The following PCCA variants were observed in gnomAD, a reference collection of about 807,000 sequenced individuals.
PCCA encodes propionyl-CoA carboxylase subunit alpha, also known as propionyl-CoA carboxylase alpha chain, mitochondrial.
Under a neutral mutation model 101.3 loss-of-function variants are expected in PCCA, and 74 were observed. The observed-to-expected ratio is 0.73, with a 90% CI of 0.61 to 0.89. The LOEUF (loss-of-function observed/expected upper bound fraction) is 0.89, where lower values mean the gene tolerates loss of function less well. Among genes scored for constraint, PCCA ranks in the 40% least tolerant of loss-of-function variants. PCCA has a pLI of 0.00. For synonymous variants in PCCA, 294 were observed against 313.6 expected (o/e 0.94, Z 0.66); for missense variants, 891 against 907.0 (o/e 0.98, Z 0.23).
intron 22 of PCCA, among the ~76,000 whole-genome samples, chr13:100,518,921 T>A (rs1488478577): frequency 1.3e-5 from 2 of 152,208 alleles, no homozygotes; most frequent in African/African-American, 2.4e-5. Context: ...ATATATATAT[T>A]TTCAGAATAA....
At chr13:100,514,996 A>G (rs768359805) in intron 21 of PCCA, among the ~76,000 whole-genome samples, 3 of 152,210 alleles carry the variant, frequency 2.0e-5, no homozygotes, top group Non-Finnish European at 4.4e-5. Flanking sequence ...GGCTGTGGGA[A>G]GCTGCAACAG....
At chr13:100,403,000 ATTT>A (rs752322601) in intron 19 of PCCA, among the ~76,000 whole-genome samples, 1 of 144,628 alleles carries the variant, frequency 6.9e-6, no homozygotes, top group Admixed American at 6.9e-5. Flanking sequence ...GGAGAACTTA[ATTT>A]TTTTTTTTTT....
intron 21 of PCCA, among the ~76,000 whole-genome samples, chr13:100,492,292 G>A (rs970146868): frequency 6.6e-6 from 1 of 152,086 alleles, no homozygotes; most frequent in Non-Finnish European, 1.5e-5. Context: ...CCGCCACCAT[G>A]CCTGGCTAAT....
intron 6 of PCCA, among the ~76,000 whole-genome samples, chr13:100,181,772 T>C (rs1420881053): frequency 6.2e-5 from 2 of 32,014 alleles, no homozygotes; most frequent in Non-Finnish European, 9.5e-5. Context: ...CTTTTTTTCT[T>C]TTTTTTTTTT....
chr13:100,335,550 T>C (rs2070314022), intron 17 of PCCA, among the ~76,000 whole-genome samples: 1 of 152,144 alleles, frequency 6.6e-6, no homozygotes, highest in Non-Finnish European at 1.5e-5. Flanking sequence ...ACCTAAAATA[T>C]CTGTAAAATT....
chr13:100,324,704 T>G (rs906219927), intron 16 of PCCA, among the ~76,000 whole-genome samples: 7 of 152,240 alleles, frequency 4.6e-5, no homozygotes, highest in Non-Finnish European at 8.8e-5. Flanking sequence ...TAAGATTCAC[T>G]GTAGTACATA....
chr13:100,333,109 C>T (rs1334284555), intron 17 of PCCA, among the ~76,000 whole-genome samples: 1 of 152,198 alleles, frequency 6.6e-6, no homozygotes, highest in African/African-American at 2.4e-5. Flanking sequence ...TAATGTCTCC[C>T]TCTTGTTTTA....
At chr13:100,099,315 CTT>C (rs940373587) in intron 1 of PCCA, among the ~76,000 whole-genome samples, 11 of 124,486 alleles carry the variant, frequency 8.8e-5, no homozygotes, top group African/African-American at 9.2e-5. Context: ...GCTATCTAAT[CTT>C]TTTTTTTTTT....
intron 14 of PCCA, among the ~76,000 whole-genome samples, chr13:100,304,175 T>C (rs759723699): frequency 1.6e-4 from 25 of 152,216 alleles, no homozygotes; most frequent in Non-Finnish European, 2.1e-4. Context: ...AAATCTTTCT[T>C]CAATTAATGC....
intron 8 of PCCA, among the ~76,000 whole-genome samples, chr13:100,254,774 C>A (rs780501877): frequency 6.6e-6 from 1 of 151,968 alleles, no homozygotes; most frequent in Non-Finnish European, 1.5e-5. Context: ...GAATATAGCT[C>A]AATGGTTAAA....
chr13:100,336,137 A>G (rs2070417319), intron 17 of PCCA, among the ~76,000 whole-genome samples: 2 of 152,036 alleles, frequency 1.3e-5, no homozygotes, highest in Admixed American at 1.3e-4. Context: ...TGGCATGTGC[A>G]TGTAATCCCA....
intron 18 of PCCA, among the ~76,000 whole-genome samples, chr13:100,354,919 C>T (rs920651514): frequency 6.6e-6 from 1 of 152,156 alleles, no homozygotes; most frequent in Non-Finnish European, 1.5e-5. Context: ...AGGAAAATTA[C>T]TTAATACTAA....
At chr13:100,320,664 AG>A (rs1366713547) in intron 16 of PCCA, among the ~76,000 whole-genome samples, 1 of 152,152 alleles carries the variant, frequency 6.6e-6, no homozygotes, top group African/African-American at 2.4e-5. Context: ...CTTGCATCCC[AG>A]GGATGAAGCC....
intron 6 of PCCA, among the ~76,000 whole-genome samples, chr13:100,165,095 G>A (rs1423600103): frequency 1.3e-5 from 2 of 152,138 alleles, no homozygotes; most frequent in Admixed American, 1.3e-4. Context: ...TGGGCTGTTT[G>A]TACCTTTTGG....
At chr13:100,445,111 AGT>A (rs1023673059) in intron 20 of PCCA, among the ~76,000 whole-genome samples, 6 of 152,134 alleles carry the variant, frequency 3.9e-5, no homozygotes, top group Non-Finnish European at 1.5e-5. Context: ...GAGGTCACAG[AGT>A]GAGAGAGAAG....
chr13:100,321,377 CATCTAAACAA>C (rs1449332036), intron 16 of PCCA, among the ~76,000 whole-genome samples: 3 of 152,116 alleles, frequency 2.0e-5, no homozygotes, highest in South Asian at 2.1e-4. Context: ...TTTTCACTTT[CATCTAAACAA>C]AAGCAACGCC....
At chr13:100,453,513 A>G (rs2081491500) in intron 21 of PCCA, among the ~76,000 whole-genome samples, 1 of 151,992 alleles carries the variant, frequency 6.6e-6, no homozygotes, top group African/African-American at 2.4e-5. Context: ...ACAAATGGAG[A>G]AAAAGAAAGT....
At chr13:100,363,909 A>G (rs1421457864) in intron 18 of PCCA, among the ~76,000 whole-genome samples, 1 of 152,192 alleles carries the variant, frequency 6.6e-6, no homozygotes, top group African/African-American at 2.4e-5. Flanking sequence ...AGTTAAATGT[A>G]TTAGTATTAA....
intron 12 of PCCA, among the ~76,000 whole-genome samples, chr13:100,284,053 C>A (rs2064369225): frequency 6.6e-6 from 1 of 152,210 alleles, no homozygotes; most frequent in Non-Finnish European, 1.5e-5. Flanking sequence ...TATTGAGGGC[C>A]AGGAAATTGA....
Sources: gnomAD v4.1 joint callset for allele counts (sites outside exome capture counted in the v4.1 genomes callset) on GRCh38, gnomAD v4.1.1 for gene constraint, MANE v1.5 for transcripts, NCBI Gene and HGNC (gene_info 2026-07-23, HGNC 2026-07-21) for gene names.